The following KIF26B variants were observed in gnomAD, a reference collection of about 807,000 sequenced individuals.
KIF26B encodes kinesin-like protein KIF26B.
Under a neutral mutation model 151.2 loss-of-function variants are expected in KIF26B, and 63 were observed. That is an observed-to-expected ratio of 0.42 (90% CI 0.34 to 0.51). The LOEUF (loss-of-function observed/expected upper bound fraction) is 0.51, where lower values mean the gene tolerates loss of function less well. KIF26B is among the 20% of genes least tolerant of loss of function. The pLI is 0.07. For missense variants in KIF26B, 2,813 were observed against 2,913.6 expected (o/e 0.97, Z 0.79); for synonymous variants, 1,357 against 1,262.1 (o/e 1.08, Z -1.59).
intron 3 of KIF26B, among the ~76,000 whole-genome samples, chr1:245,409,177 C>G (rs1674214252): frequency 6.6e-6 from 1 of 152,226 alleles, no homozygotes; most frequent in Non-Finnish European, 1.5e-5. Context: ...TGCAAAACTG[C>G]AAGCTTCATG....
chr1:245,621,125 G>T (rs2043654212), intron 9 of KIF26B, among the ~76,000 whole-genome samples: 1 of 152,214 alleles, frequency 6.6e-6, no homozygotes, highest in African/African-American at 2.4e-5. Context: ...TAGAAAGGCT[G>T]GGAGTGGGAA....
At chr1:245,309,876 CAAT>C (rs1376416152) in intron 2 of KIF26B, among the ~76,000 whole-genome samples, 1 of 140,740 alleles carries the variant, frequency 7.1e-6, no homozygotes, top group Non-Finnish European at 1.5e-5. Flanking sequence ...TATAATAAAT[CAAT>C]AAATATATAT....
chr1:245,499,978 G>A (rs1660587675), intron 4 of KIF26B, among the ~76,000 whole-genome samples: 1 of 152,218 alleles, frequency 6.6e-6, no homozygotes, highest in South Asian at 2.1e-4. Flanking sequence ...CTTCCTGCCT[G>A]TTCTCTGACT....
At chr1:245,185,910 T>G (rs1668992565) in intron 2 of KIF26B, among the ~76,000 whole-genome samples, 1 of 152,164 alleles carries the variant, frequency 6.6e-6, no homozygotes, top group East Asian at 1.9e-4. Flanking sequence ...AGTCTCACTC[T>G]GTCGCCCAAG....
At chr1:245,195,533 G>C (rs1042419463) in intron 2 of KIF26B, among the ~76,000 whole-genome samples, 1 of 152,164 alleles carries the variant, frequency 6.6e-6, no homozygotes, top group Non-Finnish European at 1.5e-5. Flanking sequence ...CAGGATTGAC[G>C]GGGAGGGGCA....
rs1372856696 is a variant in KIF26B, at chr1:245,367,388, A to C, written c.999+21A>C. On this transcript the variant is annotated intron_variant, in intron 3 of 14. Coordinates refer to ENST00000407071, the MANE Select transcript of KIF26B (RefSeq NM_018012.4). This position sits in a 1 kb window ranked among gnomAD's most constrained non-coding sequence, Gnocchi z 4.2. Reference sequence around the variant, plus strand: ...ACCAGGTAAGTAGCCTGTGTGAGCCAGGAAGAGCAGGGCTGGCTGGAGTCA... The same window carrying C: ...ACCAGGTAAGTAGCCTGTGTGAGCCCGGAAGAGCAGGGCTGGCTGGAGTCA... 6.4e-7 allele frequency: 1 copy of C among 1,563,128 alleles called. No individual in the cohort carries two copies. Among genetic ancestry groups the C allele is most frequent in the Non-Finnish European group, 8.7e-7 (1 of 1,152,244 alleles).
intron 2 of KIF26B, among the ~76,000 whole-genome samples, chr1:245,252,551 A>G (rs1404777828): frequency 6.6e-6 from 1 of 152,104 alleles, no homozygotes; most frequent in Non-Finnish European, 1.5e-5. Flanking sequence ...TATATAACAA[A>G]CTGAACTCTT....
intron 10 of KIF26B, among the ~76,000 whole-genome samples, chr1:245,683,183 C>T (rs1320808199): frequency 2.6e-5 from 4 of 152,172 alleles, no homozygotes; most frequent in Non-Finnish European, 5.9e-5. Context: ...GTCTGCTGAG[C>T]TGGATAGTCC....
chr1:245,314,182 TCA>T (rs1313697356), intron 2 of KIF26B, among the ~76,000 whole-genome samples: 1 of 152,124 alleles, frequency 6.6e-6, no homozygotes, highest in Non-Finnish European at 1.5e-5. Flanking sequence ...GGGCGGTGAC[TCA>T]CACTTGTAAT....
chr1:245,198,481 G>A (rs1353411952), intron 2 of KIF26B, among the ~76,000 whole-genome samples: 7 of 152,094 alleles, frequency 4.6e-5, no homozygotes, highest in Non-Finnish European at 7.3e-5. Flanking sequence ...CAGCACTTTG[G>A]GGGGCCAAGG....
Position 245,261,928 on chromosome 1 carries a change from T to C in KIF26B, c.466-104906T>C, listed in dbSNP as rs114047244. Among the ~76,000 whole-genome samples the C allele has an allele frequency of 8.0e-3, 1,213 of 152,222 alleles. 9 individuals are homozygous for C. The highest frequency in any genetic ancestry group is 0.026 in the African/African-American group (1,094 of 41,546). On this transcript the variant is annotated intron_variant, in intron 2 of 14. Coordinates refer to ENST00000407071, the MANE Select transcript of KIF26B (RefSeq NM_018012.4). ...GGTTTTCACATGCAGAAGCCCAAAATCTGGGAGATACCGATGGCCCCTGGA... is the reference window on the plus strand; with the variant it reads ...GGTTTTCACATGCAGAAGCCCAAAACCTGGGAGATACCGATGGCCCCTGGA...
intron 2 of KIF26B, among the ~76,000 whole-genome samples, chr1:245,208,246 A>C (rs1448663080): frequency 1.3e-5 from 2 of 152,198 alleles, no homozygotes; most frequent in African/African-American, 2.4e-5. Context: ...AACAATTTTG[A>C]ATTTTATTAA....
chr1:245,203,255 A>AAAAAAAAAAG (rs61541280), intron 2 of KIF26B, among the ~76,000 whole-genome samples: 101,781 of 129,394 alleles, frequency 0.79, 41,634 homozygotes, highest in South Asian at 0.86. Context: ...TCAAAAAAAA[A>AAAAAAAAAAG]AAAAGAAAAT....
chr1:245,281,309 A>T (rs1671045971), intron 2 of KIF26B, among the ~76,000 whole-genome samples: 1 of 71,000 alleles, frequency 1.4e-5, no homozygotes, highest in Middle Eastern at 6.6e-3. Context: ...AACTGGTGTG[A>T]GATGGTATCT....
At chr1:245,446,306 G>T (rs1364000167) in intron 4 of KIF26B, among the ~76,000 whole-genome samples, 1 of 152,182 alleles carries the variant, frequency 6.6e-6, no homozygotes, top group Non-Finnish European at 1.5e-5. Context: ...CATGTGGTCT[G>T]TCATTGACCA....
chr1:245,557,156 C>A (rs191897981), intron 5 of KIF26B, among the ~76,000 whole-genome samples: 19 of 152,336 alleles, frequency 1.2e-4, no homozygotes, highest in African/African-American at 4.3e-4. Context: ...AAAATGGGTG[C>A]AGTTTTAAAA....
rs955982206 is a variant in KIF26B at position 245,563,854 on chromosome 1, T to C, written c.1350+22904T>C. On this transcript the variant is annotated intron_variant, in intron 5 of 14. Transcript: ENST00000407071. The surrounding 1 kb of genome is among the most constrained non-coding windows in gnomAD (Gnocchi z 4.6). ...CTCCTGCAGGACCCGGGAGACAGTG[T>C]TGAACTTGACCTTGCTCTCCTCCTC... 2.8e-4 allele frequency among the ~76,000 whole-genome samples: 42 copies of C among 152,116 alleles called. No homozygotes were observed. Among genetic ancestry groups the C allele is most frequent in the Admixed American group, 1.4e-3 (21 of 15,270 alleles).
rs780545185 is a variant in KIF26B, at chr1:245,688,212, C to T, written c.5229C>T (p.Pro1743=). ...SAVSRLLLAS[P]RARGPSASTT... The stretch of plus-strand genomic sequence containing the variant: ...TGAGCAGACTCCTCCTGGCCAGCCC[C>T]AGAGCGCGCGGCCCGTCCGCCTCCA... The change falls in exon 12 of 15, where the codon CCC becomes CCT. Residue 1743 remains proline, a synonymous_variant. Coordinates refer to ENST00000407071, the MANE Select transcript of KIF26B (RefSeq NM_018012.4). 1.3e-6 allele frequency: 2 copies of T among 1,589,988 alleles called. No individual in the cohort carries two copies. The highest frequency in any genetic ancestry group is 1.1e-5 in the South Asian group (1 of 90,354).
At chr1:245,273,179 C>T (rs558265587) in intron 2 of KIF26B, among the ~76,000 whole-genome samples, 69 of 151,800 alleles carry the variant, frequency 4.5e-4, no homozygotes, top group African/African-American at 1.5e-3. Flanking sequence ...TTTGGGAGGC[C>T]GAGGTGGGCG....
Sources: gnomAD v4.1 joint callset for allele counts (sites outside exome capture counted in the v4.1 genomes callset) on GRCh38, gnomAD v4.1.1 for gene constraint, Gnocchi (gnomAD v3.1) non-coding constraint, MANE v1.5 for transcripts, NCBI Gene and HGNC (gene_info 2026-07-23, HGNC 2026-07-21) for gene names.